Variants in LIN9 observed in about 807,000 individuals in gnomAD.
LIN9 encodes protein lin-9 homolog.
Under a neutral mutation model 78.0 loss-of-function variants are expected in LIN9, and 18 were observed. The ratio of observed to expected loss-of-function variants is 0.23; its 90% CI spans 0.16 to 0.34. The LOEUF (loss-of-function observed/expected upper bound fraction) is 0.34. Among genes scored for constraint, LIN9 ranks in the 10% least tolerant of loss-of-function variants. LIN9 has a pLI of 1.00. For synonymous variants in LIN9, 192 were observed against 215.2 expected (o/e 0.89, Z 0.94); for missense variants, 451 against 644.1 (o/e 0.70, Z 3.25).
At chr1:226,260,693 G>T (rs753774184) in intron 10 of LIN9, among the ~76,000 whole-genome samples, 1 of 130,970 alleles carries the variant, frequency 7.6e-6, no homozygotes, top group Non-Finnish European at 1.5e-5. Flanking sequence ...CACCCAGGCC[G>T]GAGTGCAGTG....
chr1:226,306,912 A>G (rs1288990745), intron 1 of LIN9, among the ~76,000 whole-genome samples: 2 of 152,228 alleles, frequency 1.3e-5, no homozygotes, highest in East Asian at 3.8e-4. Context: ...ACAAAGAAAG[A>G]AAGAAAATCC....
intron 11 of LIN9, among the ~76,000 whole-genome samples, chr1:226,241,775 A>G (rs978442434): frequency 9.9e-5 from 15 of 151,986 alleles, no homozygotes; most frequent in African/African-American, 3.4e-4. Context: ...GGAGAATGGC[A>G]TGAACCCGCG....
At chr1:226,242,132 T>C (rs943934370) in intron 11 of LIN9, among the ~76,000 whole-genome samples, 1 of 152,170 alleles carries the variant, frequency 6.6e-6, no homozygotes, top group South Asian at 2.1e-4. Flanking sequence ...CAAACCAATT[T>C]TGAAAGAGAA....
chr1:226,283,890 C>T (rs1383669412), intron 6 of LIN9, among the ~76,000 whole-genome samples: 2 of 151,640 alleles, frequency 1.3e-5, no homozygotes, highest in East Asian at 3.9e-4. Flanking sequence ...TGCAGTGAGC[C>T]GAGATTGTGC....
chr1:226,275,519 C>A (rs1660588568), intron 7 of LIN9, among the ~76,000 whole-genome samples: 1 of 150,424 alleles, frequency 6.6e-6, no homozygotes, highest in Admixed American at 6.7e-5. Flanking sequence ...TATGGTGAAA[C>A]CCCGTCTCTA....
chr1:226,231,486 C>T lies in LIN9; in HGVS notation c.*1015G>A, dbSNP rs924892253. On this transcript the variant is annotated 3_prime_UTR_variant, in exon 15 of 15. Transcript: ENST00000681046. ...TTGAGTTTATAATATTCTATTAAAA[C>T]GAAGAAAATTCCAAATACATACTTT... 17 of 152,478 alleles carry T rather than the reference C, an allele frequency of 1.1e-4. No homozygotes were observed. The highest frequency in any genetic ancestry group is 3.3e-4 in the Admixed American group (5 of 15,286). The allele number at this position is 152,478 out of a possible 1,614,324, so 9.4% of individuals were successfully genotyped here. A position where few individuals can be genotyped will look rare whatever the true frequency, so the allele number is the denominator to read the frequency against.
intron 11 of LIN9, among the ~76,000 whole-genome samples, chr1:226,249,347 C>T (rs980867075): frequency 6.6e-6 from 1 of 152,134 alleles, no homozygotes; most frequent in Non-Finnish European, 1.5e-5. Flanking sequence ...TTTTCATTTT[C>T]GGATGGCTTG....
At chr1:226,277,996 T>A in intron 6 of LIN9, 64 bp from the exon 7 acceptor site, 2 of 1,366,438 alleles carry the variant, frequency 1.5e-6, no homozygotes, top group Non-Finnish European at 2.0e-6. Context: ...TAAAATCTTT[T>A]TTTTTTCTTT....
At chr1:226,233,062 C>T (rs746818219) in intron 14 of LIN9, 34 bp downstream of exon 14, 2 of 1,269,628 alleles carry the variant, frequency 1.6e-6, no homozygotes, top group Non-Finnish European at 2.2e-6. Flanking sequence ...ATGAACTTCA[C>T]ATTAAAATGA....
At position 226,265,949 on chromosome 1, in the gene LIN9, T is replaced by C. The variant is rs995611453; in HGVS notation, c.936+264A>G. Among the ~76,000 whole-genome samples, 1 of 152,200 alleles carries C rather than the reference T, an allele frequency of 6.6e-6. No homozygotes were observed. The highest frequency in any genetic ancestry group is 1.5e-5 in the Non-Finnish European group (1 of 68,048). On this transcript the variant is annotated intron_variant, in intron 9 of 14. Transcript: ENST00000681046. This position sits in a 1 kb window ranked among gnomAD's most constrained non-coding sequence, Gnocchi z 4.1. ...GCCTCAGCCTCCCAAAGTGCTGGGA[T>C]TACAGGCGTGAGCCACTGCGCCCGG...
chr1:226,242,198 G>A (rs896794565), intron 11 of LIN9, among the ~76,000 whole-genome samples: 8 of 152,190 alleles, frequency 5.3e-5, no homozygotes, highest in African/African-American at 1.9e-4. Flanking sequence ...ATTGACATGG[G>A]AGACAAATAC....
At chr1:226,259,281 G>T (rs1231205515) in intron 10 of LIN9, among the ~76,000 whole-genome samples, 1 of 152,074 alleles carries the variant, frequency 6.6e-6, no homozygotes, top group Non-Finnish European at 1.5e-5. Context: ...ATATTTATAT[G>T]CCTAATAACA....
intron 6 of LIN9, among the ~76,000 whole-genome samples, chr1:226,284,026 A>C (rs915939387): frequency 5.9e-5 from 9 of 152,020 alleles, no homozygotes; most frequent in South Asian, 4.2e-4. Flanking sequence ...TTGTGGTTTT[A>C]TTCTTTCATT....
chr1:226,286,395 T>C lies in LIN9; in HGVS notation c.462A>G (p.Lys154=). Residue 154 remains lysine (K), a synonymous_variant, in exon 6 of 15, where the codon AAA becomes AAG. Transcript: ENST00000681046. The part of the protein sequence containing the change: ...VCLKESFPNL[K]TRKLTRVEWG... ...ATTCTACTCTTGTTAACTTTCTTGT[T>C]TTCAAATTAGGAAAAGATTCCTTTA... 1 of 1,612,908 alleles carries C rather than the reference T, an allele frequency of 6.2e-7. No homozygotes were observed. Among genetic ancestry groups the C allele is most frequent in the South Asian group, 1.1e-5 (1 of 90,804 alleles).
intron 11 of LIN9, among the ~76,000 whole-genome samples, chr1:226,243,855 A>C (rs1658283248): frequency 1.4e-5 from 2 of 146,924 alleles, no homozygotes; most frequent in Admixed American, 1.4e-4. Context: ...TTCATTTTAC[A>C]CATATACACA....
chr1:226,287,818 ATTAAT>A, intron 4 of LIN9, 21 bp from the exon 5 acceptor site: 2 of 1,506,380 alleles, frequency 1.3e-6, no homozygotes, highest in South Asian at 1.3e-5. Flanking sequence ...AAAAAAAGAG[ATTAAT>A]TTATGGCTCC....
At chr1:226,270,005 C>T (rs933372615) in intron 7 of LIN9, among the ~76,000 whole-genome samples, 2 of 152,144 alleles carry the variant, frequency 1.3e-5, no homozygotes, top group Non-Finnish European at 2.9e-5. Context: ...TCACTGCAAC[C>T]TCCACCTCCC....
chr1:226,286,988 G>A (rs752830157), intron 5 of LIN9, among the ~76,000 whole-genome samples: 2 of 152,110 alleles, frequency 1.3e-5, no homozygotes, highest in Non-Finnish European at 2.9e-5. Context: ...ACCAGTGTTG[G>A]CAATGATACA....
intron 10 of LIN9, among the ~76,000 whole-genome samples, chr1:226,254,197 T>G (rs900321023): frequency 6.6e-6 from 1 of 152,220 alleles, no homozygotes; most frequent in Non-Finnish European, 1.5e-5. Context: ...AGGCTTGTCT[T>G]GAACTCCTAG....
Sources: allele counts gnomAD v4.1 joint callset (sites outside exome capture counted in the v4.1 genomes callset), GRCh38; gene constraint gnomAD v4.1.1; non-coding constraint Gnocchi (gnomAD v3.1); transcripts MANE v1.5; gene names NCBI Gene and HGNC (gene_info 2026-07-23, HGNC 2026-07-21).